Variants in POLG observed in about 807,000 individuals in gnomAD.
POLG encodes DNA polymerase subunit gamma-1.
POLG carries 110 observed loss-of-function variants against 155.4 expected under a neutral mutation model. That is an observed-to-expected ratio of 0.71 (90% CI 0.61 to 0.83). The LOEUF is 0.83. Ranked by LOEUF, POLG falls within the 40% of genes least tolerant of loss-of-function variation. The pLI is 0.00. For synonymous variants in POLG, 701 were observed against 631.5 expected, an observed-to-expected ratio of 1.11 and a Z score of -1.65; for missense variants, 1,685 against 1,627.5, an observed-to-expected ratio of 1.04 and a Z score of -0.61.
rs775576189 is a variant in POLG, at chr15:89,327,324, C to T, written c.1276G>A (p.Gly426Ser). 24 of 1,613,732 alleles carry T rather than the reference C, an allele frequency of 1.5e-5. No individual in the cohort carries two copies. Among genetic ancestry groups the T allele is most frequent in the South Asian group, 2.2e-5 (2 of 91,080 alleles). The change falls in exon 7 of 23, where the codon GGC becomes AGC. Residue 426 changes from glycine to serine, a missense_variant. Physicochemically the swap from Gly to Ser is moderately conservative, Grantham distance 56 (BLOSUM62 0). This residue lies in a region of POLG where 1,210 missense variants were observed against 1,167.1 expected (regional missense o/e 1.04). Transcript: ENST00000268124. ...ERCPHPVTLA[G>S]MLEMGVSYLP... is the part of the protein sequence containing the mutation. ...TAGGAGACACCCATCTCCAGCATGCCGGCCAGAGTCACTGGGTGGGGACAC... is the reference window on the plus strand; with the variant it reads ...TAGGAGACACCCATCTCCAGCATGCTGGCCAGAGTCACTGGGTGGGGACAC...
rs1450383461 is a variant in POLG, at chr15:89,324,044, C to A, written c.2070+63G>T. 5 of 1,610,570 alleles carry A rather than the reference C, an allele frequency of 3.1e-6. No homozygotes were observed. In the East Asian group the frequency reaches 1.1e-4, roughly 36 times the overall value. Reference sequence around the variant, plus strand: ...CCAGCCTCCCACCCAAAGGCTGCCCCTTCCCTGGGTGGAATACAGAGACCT... The same window carrying A: ...CCAGCCTCCCACCCAAAGGCTGCCCATTCCCTGGGTGGAATACAGAGACCT... On this transcript the variant is annotated intron_variant, in intron 11 of 22. Coordinates refer to ENST00000268124, the MANE Select transcript of POLG (RefSeq NM_002693.3).
chr15:89,318,522 G>A lies in POLG; in HGVS notation c.3482+19C>T, dbSNP rs2152058516. Reference sequence around the variant, plus strand: ...CATAGGAGCACATGGCCAGGCTAGAGGCCATGGGCCCCGCATACCTGGTCA... The same window carrying A: ...CATAGGAGCACATGGCCAGGCTAGAAGCCATGGGCCCCGCATACCTGGTCA... On this transcript the variant is annotated intron_variant, in intron 21 of 22. Coordinates refer to ENST00000268124, the MANE Select transcript of POLG (RefSeq NM_002693.3). 5 of 1,609,106 alleles carry A rather than the reference G, an allele frequency of 3.1e-6. No homozygotes were observed. Among genetic ancestry groups the A allele is most frequent in the Non-Finnish European group, 4.2e-6 (5 of 1,176,966 alleles).
chr15:89,321,990 T>C lies in POLG; in HGVS notation c.2452A>G (p.Arg818Gly). Reference protein sequence around the residue: ...ISSQMVVWLPRSALPRAVIRH... With the variant: ...ISSQMVVWLPGSALPRAVIRH... ...ATCACAGCACGGGGCAGAGCTGACC[T>C]GGGCAGCCACACCACCATCTGGGAG... The change falls in exon 15 of 23, where the codon AGG becomes GGG. Residue 818 changes from arginine to glycine, a missense_variant. Physicochemically the swap from Arg to Gly is moderately radical, Grantham distance 125. This residue lies in a region of POLG where 1,210 missense variants were observed against 1,167.1 expected (regional missense o/e 1.04). Transcript: ENST00000268124. 1 of 1,614,174 alleles carries C rather than the reference T, an allele frequency of 6.2e-7. No homozygotes were observed. Among genetic ancestry groups the C allele is most frequent in the Non-Finnish European group, 8.5e-7 (1 of 1,180,008 alleles).
At chr15:89,329,617 G>A (rs1002389544) in intron 3 of POLG, among the ~76,000 whole-genome samples, 13 of 152,212 alleles carry the variant, frequency 8.5e-5, no homozygotes, top group Non-Finnish European at 7.3e-5. Flanking sequence ...ATTAAGAATT[G>A]CCACTACTAT....
At position 89,325,255 on chromosome 15, in the gene POLG, A is replaced by AGT. The variant is rs1312136071; in HGVS notation, c.1949+194_1949+195insAC. Among the ~76,000 whole-genome samples, 6 of 39,216 alleles carry AGT rather than the reference A, an allele frequency of 1.5e-4. 1 individual carries two copies. The highest frequency in any genetic ancestry group is 7.2e-4 in the African/African-American group (4 of 5,564). 25.7% of individuals were successfully genotyped at this position (39,216 alleles called of 152,430 possible). On this transcript the variant is annotated intron_variant, in intron 10 of 22. Transcript: ENST00000268124. ...GTGAGAGAGTGAGTGAGTGAGAGAGAGAGTGAGTGAGTGAGTGAGAGAGAG... is the reference window on the plus strand; with the variant it reads ...GTGAGAGAGTGAGTGAGTGAGAGAGAGTGAGTGAGTGAGTGAGTGAGAGAGAG...
intron 22 of POLG, 170 bp from the exon 23 acceptor site, chr15:89,316,997 A>G (rs2055290307): frequency 1.5e-6 from 1 of 646,922 alleles, no homozygotes; most frequent in Admixed American, 2.6e-5. Context: ...TTTTTATATA[A>G]GTGTGTCTTA....
intron 6 of POLG, among the ~76,000 whole-genome samples, chr15:89,327,712 TA>T (rs2055541499): frequency 6.6e-6 from 1 of 152,158 alleles, no homozygotes; most frequent in South Asian, 2.1e-4. Flanking sequence ...ACTTGGGTGG[TA>T]AAATACAGCT....
chr15:89,321,665 G>C, intron 16 of POLG, 71 bp downstream of exon 16: 1 of 1,084,140 alleles, frequency 9.2e-7, no homozygotes, highest in Non-Finnish European at 1.4e-6. Flanking sequence ...AATACCTAAA[G>C]GCCCTCAGAG....
At position 89,328,462 on chromosome 15, in the gene POLG, A is replaced by G. The variant is rs376895501; in HGVS notation, c.1244T>C (p.Leu415Ser). The G allele has an allele frequency of 3.1e-6, 5 of 1,612,816 alleles. No individual in the cohort carries two copies. The highest frequency in any genetic ancestry group is 4.2e-6 in the Non-Finnish European group (5 of 1,179,080). Residue 415 changes from leucine to serine, a missense_variant, in exon 6 of 23, where the codon TTG (leucine) becomes TCG (serine). Physicochemically the swap from Leu to Ser is moderately radical, Grantham distance 145. Transcript: ENST00000268124. ...EVFQQQLPLF[L>S]ERCPHPVTLA... ...CACATGGGCTCCCCCTCACCTCTCCAAGAAGAGCGGTAGCTGCTGCTGGAA... is the reference window on the plus strand; with the variant it reads ...CACATGGGCTCCCCCTCACCTCTCCGAGAAGAGCGGTAGCTGCTGCTGGAA...
At chr15:89,319,558 G>A (rs1306998721) in intron 18 of POLG, 3 of 680,170 alleles carry the variant, frequency 4.4e-6, no homozygotes, top group African/African-American at 3.6e-5. Flanking sequence ...ATGCAGCCCA[G>A]GCTTTTGTAG....
At chr15:89,320,205 T>TAC (rs2055374458) in intron 18 of POLG, among the ~76,000 whole-genome samples, 1 of 152,350 alleles carries the variant, frequency 6.6e-6, no homozygotes, top group South Asian at 2.1e-4. Flanking sequence ...CAGTGTACTG[T>TAC]ACCTCAGGAA....
chr15:89,328,942 C>A lies in POLG; in HGVS notation c.1023+1G>T. ...CCTGCCCACCGGCAGTGTGCTCTCA[C>A]CGCTGGGCCTCTTCTGGCTTTCCTC... On this transcript the variant is annotated splice_donor_variant, in intron 4 of 22. Coordinates refer to ENST00000268124, the MANE Select transcript of POLG (RefSeq NM_002693.3). LOFTEE classifies it high-confidence loss of function. The A allele has an allele frequency of 6.2e-7, 1 of 1,614,132 alleles. No homozygotes were observed. Among genetic ancestry groups the A allele is most frequent in the Non-Finnish European group, 8.5e-7 (1 of 1,180,046 alleles).
rs756679711 is a variant in POLG at position 89,320,799 on chromosome 15, T to A, written c.2948A>T (p.Gln983Leu). 1.2e-5 allele frequency: 20 copies of A among 1,613,866 alleles called. No individual in the cohort carries two copies. The highest frequency in any genetic ancestry group is 1.7e-5 in the Non-Finnish European group (20 of 1,180,022). Residue 983 changes from glutamine to leucine, a missense_variant, in exon 18 of 23, where the codon CAG becomes CTG. Physicochemically the swap from Gln to Leu is moderately radical, Grantham distance 113. Around this residue, in one of 3 missense-constraint regions of POLG, gnomAD observed 470 missense variants for 439.9 expected, o/e 1.07. Coordinates refer to ENST00000268124, the MANE Select transcript of POLG (RefSeq NM_002693.3). ...LTQQEAAEKA[Q>L]QMYAATKGLR... ...GCCCTTGGTGGCAGCGTACATCTGC[T>A]GGGCCTTCTCAGCTGCCTCCTGCTG...
chr15:89,326,809 A>G, intron 8 of POLG, 71 bp from the exon 9 acceptor site: 1 of 1,611,032 alleles, frequency 6.2e-7, no homozygotes, highest in Non-Finnish European at 8.5e-7. Flanking sequence ...CCACCCGCTC[A>G]TCTCCAGAAG....
intron 14 of POLG, among the ~76,000 whole-genome samples, chr15:89,322,475 A>G (rs1490573140): frequency 1.3e-5 from 2 of 152,246 alleles, no homozygotes; most frequent in Admixed American, 1.3e-4. Flanking sequence ...CCTCAGCCAT[A>G]GCCCACGGCT....
intron 20 of POLG, 67 bp from the exon 21 acceptor site, chr15:89,318,816 G>A: frequency 9.6e-6 from 15 of 1,555,064 alleles, no homozygotes; most frequent in Non-Finnish European, 1.3e-5. Context: ...CAGGGTAGAA[G>A]CCCCAAGAGA....
chr15:89,322,639 C>G (rs1404639274), intron 14 of POLG, 103 bp downstream of exon 14: 2 of 1,304,844 alleles, frequency 1.5e-6, no homozygotes, highest in Non-Finnish European at 1.1e-6. Flanking sequence ...GGCCTCTAGA[C>G]CATAGTCAGG....
chr15:89,325,497 C>A lies in POLG; in HGVS notation c.1902G>T (p.Leu634=), dbSNP rs886051523. 1.2e-6 allele frequency: 2 copies of A among 1,609,404 alleles called. No individual in the cohort carries two copies. Among genetic ancestry groups the A allele is most frequent in the East Asian group, 4.5e-5 (2 of 44,860 alleles). ...VPGRRDNLAK[L]PTGTTLESAG... Reference sequence around the variant, plus strand: ...CTGACTCCAGGGTGGTACCTGTCGGCAGCTTGGCCAGGTTGTCCCGCCGCC... The same window carrying A: ...CTGACTCCAGGGTGGTACCTGTCGGAAGCTTGGCCAGGTTGTCCCGCCGCC... The change falls in exon 10 of 23, where the codon CTG becomes CTT. Residue 634 remains leucine (L), a synonymous_variant. Coordinates refer to ENST00000268124, the MANE Select transcript of POLG (RefSeq NM_002693.3).
chr15:89,317,358 C>A lies in POLG; in HGVS notation c.3643+18G>T. ...CTCAGATCCTATGTGTAATGAGGAA[C>A]AAATGTGTTGTGCTCACCCTGGGGA... On this transcript the variant is annotated intron_variant, in intron 22 of 22. Coordinates refer to ENST00000268124, the MANE Select transcript of POLG (RefSeq NM_002693.3). 1 of 1,613,500 alleles carries A rather than the reference C, an allele frequency of 6.2e-7. No homozygotes were observed. Among genetic ancestry groups the A allele is most frequent in the Non-Finnish European group, 8.5e-7 (1 of 1,179,432 alleles).
Sources: allele counts gnomAD v4.1 joint callset (sites outside exome capture counted in the v4.1 genomes callset), GRCh38; gene constraint gnomAD v4.1.1; regional missense constraint gnomAD v4.1.1; transcripts MANE v1.5; gene names NCBI Gene and HGNC (gene_info 2026-07-23, HGNC 2026-07-21).